The following HTR2C variants were observed in gnomAD, a reference collection of about 807,000 sequenced individuals.
The protein encoded by HTR2C is 5-hydroxytryptamine receptor 2C, also known as 5-hydroxytryptamine (serotonin) receptor 2C, G protein-coupled.
A neutral mutation model predicts 21.0 loss-of-function variants in HTR2C; 5 were observed. The ratio of observed to expected loss-of-function variants is 0.24; its 90% CI spans 0.12 to 0.50. HTR2C has a LOEUF of 0.50. Among genes scored for constraint, HTR2C ranks in the 20% least tolerant of loss-of-function variants. HTR2C has a pLI of 0.98. For missense variants in HTR2C, 271 were observed against 371.2 expected, an observed-to-expected ratio of 0.73 and a Z score of 2.22; for synonymous variants, 150 against 145.3, an observed-to-expected ratio of 1.03 and a Z score of -0.23.
intron 2 of HTR2C, among the ~76,000 whole-genome samples, chrX:114,696,743 C>T (rs139439696): frequency 5.4e-4 from 58 of 106,649 alleles, no homozygotes; most frequent in African/African-American, 1.6e-3. Flanking sequence ...TTTGATCAAA[C>T]TATACGATGT....
At chrX:114,606,414 T>C (rs1928432808) in intron 1 of HTR2C, among the ~76,000 whole-genome samples, 1 of 111,648 alleles carries the variant, frequency 9.0e-6, no homozygotes, top group Admixed American at 9.5e-5. Flanking sequence ...AACGTGGGTG[T>C]ATAATCAGAG....
intron 2 of HTR2C, among the ~76,000 whole-genome samples, chrX:114,664,966 G>A (rs1931122719): frequency 8.9e-6 from 1 of 112,292 alleles, no homozygotes; most frequent in African/African-American, 3.2e-5. Context: ...TTAACAGCTT[G>A]TTTGAGATAT....
At chrX:114,647,651 ATAAT>A (rs1930411571) in intron 2 of HTR2C, among the ~76,000 whole-genome samples, 1 of 112,545 alleles carries the variant, frequency 8.9e-6, no homozygotes, top group African/African-American at 3.2e-5. Flanking sequence ...GTGCAGACAA[ATAAT>A]TAAAACAAAA....
Position 114,584,485 on chromosome X carries a change from G to A in HTR2C, c.-321G>A, listed in dbSNP as rs1927300496. 1 of 113,128 alleles carries A rather than the reference G, an allele frequency of 8.8e-6. No homozygotes were observed. Among genetic ancestry groups the A allele is most frequent in the African/African-American group, 3.2e-5 (1 of 31,119 alleles). The allele number at this position is 113,128 out of a possible 1,213,427, so 9.3% of individuals were successfully genotyped here. The stretch of plus-strand genomic sequence containing the variant: ...TCGACTCGCCGGCGCTTCCTATCGC[G>A]CCGAGCTCCCTCCATTCCTCTCCCT... On this transcript the variant is annotated 5_prime_UTR_variant, in exon 1 of 6. Transcript: ENST00000276198.
At chrX:114,719,013 AAAAT>A (rs1396370491) in intron 2 of HTR2C, among the ~76,000 whole-genome samples, 25 of 103,086 alleles carry the variant, frequency 2.4e-4, no homozygotes, top group South Asian at 7.6e-4. Flanking sequence ...ATAATAATAT[AAAAT>A]AAATAAATAA....
At chrX:114,655,994 T>C (rs1480498189) in intron 2 of HTR2C, among the ~76,000 whole-genome samples, 1 of 111,274 alleles carries the variant, frequency 9.0e-6, no homozygotes. Flanking sequence ...ATTAATTATC[T>C]TATTGTTTCA....
intron 4 of HTR2C, among the ~76,000 whole-genome samples, chrX:114,777,116 T>C (rs1033440190): frequency 1.4e-4 from 16 of 112,245 alleles, no homozygotes; most frequent in African/African-American, 4.8e-4. Context: ...AGAAGTATTG[T>C]GATTAGGTAC....
chrX:114,852,418 C>CA (rs1172072002), intron 5 of HTR2C, among the ~76,000 whole-genome samples: 225 of 89,503 alleles, frequency 2.5e-3, no homozygotes, highest in East Asian at 7.0e-3. Flanking sequence ...TTTATTTTTG[C>CA]AAAAAAAAAA....
At chrX:114,822,990 C>G (rs112217087) in intron 4 of HTR2C, among the ~76,000 whole-genome samples, 125 of 111,469 alleles carry the variant, frequency 1.1e-3, no homozygotes, top group African/African-American at 3.9e-3. Flanking sequence ...GTGTTTTTGG[C>G]AACTAAATTG....
At chrX:114,711,465 A>G (rs1378374263) in intron 2 of HTR2C, among the ~76,000 whole-genome samples, 3 of 111,707 alleles carry the variant, frequency 2.7e-5, no homozygotes, top group African/African-American at 9.7e-5. Flanking sequence ...ATAAATTCTT[A>G]CTTAAGAAAA....
chrX:114,806,300 C>A (rs1556449490), intron 4 of HTR2C, among the ~76,000 whole-genome samples: 2 of 96,370 alleles, frequency 2.1e-5, no homozygotes, highest in African/African-American at 7.6e-5. Flanking sequence ...TAGATACACA[C>A]CATATATATA....
At chrX:114,811,411 A>T (rs1416634814) in intron 4 of HTR2C, among the ~76,000 whole-genome samples, 1 of 111,394 alleles carries the variant, frequency 9.0e-6, no homozygotes, top group Admixed American at 9.5e-5. Flanking sequence ...AGATCTACAT[A>T]CTCCAATGGC....
intron 4 of HTR2C, among the ~76,000 whole-genome samples, chrX:114,846,560 C>T (rs1358430445): frequency 9.0e-6 from 1 of 111,633 alleles, no homozygotes; most frequent in African/African-American, 3.3e-5. Context: ...GTATGCAAAC[C>T]ACATGATTAT....
At position 114,909,954 on chromosome X, in the gene HTR2C, A is replaced by AT. The variant is rs1556488335; in HGVS notation, c.*2545dup. On this transcript the variant is annotated 3_prime_UTR_variant, in exon 6 of 6. Coordinates refer to ENST00000276198, the MANE Select transcript of HTR2C (RefSeq NM_000868.4). ...TAATTCTTCTCCTTTGTCAAATGGT[A>AT]TTTTTTGTGAATGGTTGCAAAGTGT... 1 of 112,076 alleles carries AT rather than the reference A, an allele frequency of 8.9e-6. No individual in the cohort carries two copies. Among genetic ancestry groups the AT allele is most frequent in the Non-Finnish European group, 1.9e-5 (1 of 53,162 alleles). 9.2% of individuals were successfully genotyped at this position (112,076 alleles called of 1,213,427 possible). A position where few individuals can be genotyped will look rare whatever the true frequency, so the allele number is the denominator to read the frequency against.
chrX:114,716,697 G>A (rs978633151), intron 2 of HTR2C, among the ~76,000 whole-genome samples: 6 of 111,837 alleles, frequency 5.4e-5, no homozygotes, highest in Non-Finnish European at 1.1e-4. Context: ...TGAGTTTTTA[G>A]TATGACAAAT....
At chrX:114,772,327 C>A (rs782808214) in intron 4 of HTR2C, among the ~76,000 whole-genome samples, 4 of 111,675 alleles carry the variant, frequency 3.6e-5, no homozygotes, top group Non-Finnish European at 5.6e-5. Context: ...TATTTCATAT[C>A]ATCTACTACC....
At chrX:114,681,452 T>G (rs1488792652) in intron 2 of HTR2C, among the ~76,000 whole-genome samples, 1 of 110,923 alleles carries the variant, frequency 9.0e-6, no homozygotes, top group African/African-American at 3.3e-5. Flanking sequence ...ATGAAACAAT[T>G]GATGCTTCAA....
At chrX:114,764,021 A>T (rs1190891696) in intron 4 of HTR2C, among the ~76,000 whole-genome samples, 2 of 111,947 alleles carry the variant, frequency 1.8e-5, no homozygotes, top group Non-Finnish European at 3.8e-5. Context: ...AATACAGTCC[A>T]GAGGTCCTGA....
intron 2 of HTR2C, among the ~76,000 whole-genome samples, chrX:114,625,988 TG>T (rs1556402729): frequency 9.0e-6 from 1 of 111,377 alleles, no homozygotes; most frequent in African/African-American, 3.3e-5. Flanking sequence ...AAGTTTATTT[TG>T]GGGGAATGTT....
Sources: allele counts gnomAD v4.1 joint callset (sites outside exome capture counted in the v4.1 genomes callset), GRCh38; gene constraint gnomAD v4.1.1; transcripts MANE v1.5; gene names NCBI Gene and HGNC (gene_info 2026-07-23, HGNC 2026-07-21).